PIP5K1C: variants seen among roughly 807,000 people sequenced by gnomAD.
The protein encoded by PIP5K1C is phosphatidylinositol-4-phosphate 5-kinase type 1 gamma.
In PIP5K1C, 45 loss-of-function variants were observed where a neutral mutation model predicts 80.1. That is an observed-to-expected ratio of 0.56 (90% CI 0.44 to 0.72). The LOEUF is 0.72. Among genes scored for constraint, PIP5K1C ranks in the 30% least tolerant of loss-of-function variants. PIP5K1C has a pLI of 0.00. For missense variants in PIP5K1C, 753 were observed against 954.6 expected, an observed-to-expected ratio of 0.79 and a Z score of 2.78; for synonymous variants, 498 against 420.1, an observed-to-expected ratio of 1.19 and a Z score of -2.27.
At position 3,696,655 on chromosome 19, in the gene PIP5K1C, C is replaced by G. The variant is rs1476209112; in HGVS notation, c.94+3642G>C. On this transcript the variant is annotated intron_variant, in intron 1 of 17. Coordinates refer to ENST00000335312, the MANE Select transcript of PIP5K1C (RefSeq NM_012398.3). The surrounding 1 kb of genome is among the most constrained non-coding windows in gnomAD (Gnocchi z 4.1). ...AAAGGCCCCGGGGCAGGACCATGCCCTGCATGCTGGAGGAACAGCAAGGGG... is the reference window on the plus strand; with the variant it reads ...AAAGGCCCCGGGGCAGGACCATGCCGTGCATGCTGGAGGAACAGCAAGGGG... Among the ~76,000 whole-genome samples the G allele has an allele frequency of 6.8e-6, 1 of 146,610 alleles. No individual in the cohort carries two copies. The highest frequency in any genetic ancestry group is 2.5e-5 in the African/African-American group (1 of 39,450).
chr19:3,653,099 G>A (rs527720054), intron 7 of PIP5K1C, among the ~76,000 whole-genome samples, 191 bp downstream of exon 7: 3 of 152,320 alleles, frequency 2.0e-5, no homozygotes, highest in African/African-American at 4.8e-5. Context: ...CACTGTGTCC[G>A]GCCACATTTT....
rs987267233 is a variant in PIP5K1C, at chr19:3,637,142, C to T, written c.1920+1742G>A. On this transcript the variant is annotated intron_variant, in intron 16 of 17. Coordinates refer to ENST00000335312, the MANE Select transcript of PIP5K1C (RefSeq NM_012398.3). The surrounding 1 kb of genome is among the most constrained non-coding windows in gnomAD (Gnocchi z 7.0). ...TGTGCAACCTCCCCTGTGCAGCCAGCGGGGCCACGGGCAGCCAGGTCTGCA... is the reference window on the plus strand; with the variant it reads ...TGTGCAACCTCCCCTGTGCAGCCAGTGGGGCCACGGGCAGCCAGGTCTGCA... 14 of 1,389,934 alleles carry T rather than the reference C, an allele frequency of 1.0e-5. No individual in the cohort carries two copies. Among genetic ancestry groups the T allele is most frequent in the Admixed American group, 9.2e-5 (3 of 32,588 alleles). The allele number at this position is 1,389,934 out of a possible 1,614,324, so 86.1% of individuals were successfully genotyped here. A position where few individuals can be genotyped will look rare whatever the true frequency, so the allele number is the denominator to read the frequency against.
chr19:3,638,310 C>A (rs1280685233), intron 16 of PIP5K1C, among the ~76,000 whole-genome samples: 1 of 152,158 alleles, frequency 6.6e-6, no homozygotes. Flanking sequence ...GCCGGGCAGA[C>A]CCTGCCCTGC....
chr19:3,636,986 G>T (rs1176144674), intron 16 of PIP5K1C: 1 of 1,029,882 alleles, frequency 9.7e-7, no homozygotes, highest in East Asian at 1.0e-4. Flanking sequence ...TAAACCGTGT[G>T]GTCTCCCAGG....
chr19:3,636,018 A>G (rs772874658), intron 16 of PIP5K1C, among the ~76,000 whole-genome samples: 9 of 151,796 alleles, frequency 5.9e-5, no homozygotes, highest in Non-Finnish European at 1.3e-4. Flanking sequence ...TTAGCCAGGC[A>G]TGGTGGCAGG....
rs574800548 is a variant in PIP5K1C at position 3,670,236 on chromosome 19, C to T, written c.95-2883G>A. ...GAGGGTGCGGGGTTGGACGGTGTCC[C>T]TCCGACATTCACGTCCTTCCAAGAA... On this transcript the variant is annotated intron_variant, in intron 1 of 17. Transcript: ENST00000335312. 5.3e-5 allele frequency among the ~76,000 whole-genome samples: 8 copies of T among 152,320 alleles called. No individual in the cohort carries two copies. In the South Asian group the frequency reaches 1.7e-3, roughly 32 times the overall value.
At chr19:3,684,391 T>C (rs1024615518) in intron 1 of PIP5K1C, among the ~76,000 whole-genome samples, 1 of 152,208 alleles carries the variant, frequency 6.6e-6, no homozygotes, top group Admixed American at 6.5e-5. Flanking sequence ...TCCTTCCCCT[T>C]GAAAGTGGGC....
chr19:3,682,942 C>T (rs79286204), intron 1 of PIP5K1C, among the ~76,000 whole-genome samples: 1 of 145,948 alleles, frequency 6.9e-6, no homozygotes, highest in Non-Finnish European at 1.5e-5. Context: ...CCCCTCCTCC[C>T]CCTCCCCTCC....
chr19:3,697,814 C>T (rs1172874395), intron 1 of PIP5K1C, among the ~76,000 whole-genome samples: 2 of 152,230 alleles, frequency 1.3e-5, no homozygotes, highest in Admixed American at 1.3e-4. Flanking sequence ...CCACCACAGG[C>T]CATCGGCCCA....
Position 3,700,335 on chromosome 19 carries a change from GA to G in PIP5K1C, c.55del (p.Ser19ArgfsTer28). The G allele has an allele frequency of 7.7e-7, 1 of 1,296,242 alleles. No individual in the cohort carries two copies. The highest frequency in any genetic ancestry group is 1.5e-5 in the South Asian group (1 of 66,328). The allele number at this position is 1,296,242 out of a possible 1,614,324, so 80.3% of individuals were successfully genotyped here. A position where few individuals can be genotyped will look rare whatever the true frequency, so the allele number is the denominator to read the frequency against. ...AESAEAGAVP[S>X]EAAWAAESGA... Reference sequence around the variant, plus strand: ...GCTCTCTGCCGCCCACGCCGCCTCCGAGGGCACGGCCCCCGCCTCAGCGCTC... The same window carrying G: ...GCTCTCTGCCGCCCACGCCGCCTCCGGGGCACGGCCCCCGCCTCAGCGCTC... On this transcript the variant is annotated frameshift_variant, in exon 1 of 18. Coordinates refer to ENST00000335312, the MANE Select transcript of PIP5K1C (RefSeq NM_012398.3). LOFTEE classifies it high-confidence loss of function.
At position 3,686,429 on chromosome 19, in the gene PIP5K1C, A is replaced by G. The variant is rs201822006; in HGVS notation, c.94+13868T>C. Among the ~76,000 whole-genome samples the G allele has an allele frequency of 6.9e-4, 104 of 150,242 alleles. 1 individual carries two copies. The East Asian group carries it at 0.019, about 27-fold the overall frequency. ...AGTGAGACTCTGTCTCAAAAAAATA[A>G]AAATAAAGGCTGGGTGCAGTGGCTC... On this transcript the variant is annotated intron_variant, in intron 1 of 17. Transcript: ENST00000335312.
intron 1 of PIP5K1C, among the ~76,000 whole-genome samples, chr19:3,697,645 G>A (rs1346848937): frequency 6.6e-6 from 1 of 152,196 alleles, no homozygotes; most frequent in Admixed American, 6.5e-5. Flanking sequence ...AGTGGGGCAG[G>A]GGCAGGGATG....
At chr19:3,677,496 T>C (rs1365001065) in intron 1 of PIP5K1C, among the ~76,000 whole-genome samples, 1 of 151,316 alleles carries the variant, frequency 6.6e-6, no homozygotes, top group Non-Finnish European at 1.5e-5. Context: ...GGCAGGAGAA[T>C]CGCTTAAACC....
At chr19:3,642,817 G>A (rs1212475024) in intron 14 of PIP5K1C, 90 bp downstream of exon 14, 3 of 1,012,436 alleles carry the variant, frequency 3.0e-6, no homozygotes, top group Middle Eastern at 2.0e-4. Flanking sequence ...AATGGGCAGA[G>A]AGCAGAGGGG....
intron 1 of PIP5K1C, among the ~76,000 whole-genome samples, chr19:3,675,152 T>C (rs1429937549): frequency 6.6e-6 from 1 of 152,200 alleles, no homozygotes; most frequent in African/African-American, 2.4e-5. Flanking sequence ...GGAAATGTAC[T>C]AGAATTAGTG....
intron 1 of PIP5K1C, among the ~76,000 whole-genome samples, chr19:3,684,487 C>A (rs554615255): frequency 6.6e-6 from 1 of 152,232 alleles, no homozygotes; most frequent in African/African-American, 2.4e-5. Context: ...CTCTTGGAAT[C>A]CCTCCAGTAC....
intron 1 of PIP5K1C, among the ~76,000 whole-genome samples, chr19:3,697,533 A>G (rs1253228453): frequency 6.6e-6 from 1 of 151,748 alleles, no homozygotes; most frequent in Non-Finnish European, 1.5e-5. Flanking sequence ...CGGGAGGACC[A>G]AGCTGGACCC....
intron 1 of PIP5K1C, among the ~76,000 whole-genome samples, chr19:3,698,367 G>A (rs577062240): frequency 1.3e-5 from 2 of 152,368 alleles, no homozygotes; most frequent in African/African-American, 2.4e-5. Context: ...GGAGCTGGGA[G>A]GGGGACATCG....
chr19:3,633,587 G>A, intron 16 of PIP5K1C, 67 bp from the exon 17 acceptor site: 1 of 1,086,690 alleles, frequency 9.2e-7, no homozygotes, highest in Admixed American at 3.1e-5. Flanking sequence ...AAGAGAGGCA[G>A]AGGGAGGAAG....
Sources: allele counts gnomAD v4.1 joint callset (sites outside exome capture counted in the v4.1 genomes callset), GRCh38; gene constraint gnomAD v4.1.1; non-coding constraint Gnocchi (gnomAD v3.1); transcripts MANE v1.5; gene names NCBI Gene and HGNC (gene_info 2026-07-23, HGNC 2026-07-21).